DMXL1: variants seen among roughly 807,000 people sequenced by gnomAD.
The protein encoded by DMXL1 is dmX-like protein 1.
In DMXL1, 99 loss-of-function variants were observed where a neutral mutation model predicts 319.2. The ratio of observed to expected loss-of-function variants is 0.31; its 90% CI spans 0.26 to 0.37. The LOEUF (loss-of-function observed/expected upper bound fraction) is 0.37. DMXL1 is among the 10% of genes least tolerant of loss of function. The pLI is 1.00. For synonymous variants in DMXL1, 1,385 were observed against 1,235.2 expected (o/e 1.12, Z -2.54); for missense variants, 3,745 against 3,595.6 (o/e 1.04, Z -1.06).
In DMXL1 at chr5:119,089,224, G is replaced by A. The variant is rs566275949; in HGVS notation, c.88-8755G>A. Among the ~76,000 whole-genome samples, 400 of 127,782 alleles carry A rather than the reference G, an allele frequency of 3.1e-3. 3 individuals carry two copies. Among genetic ancestry groups the A allele is most frequent in the African/African-American group, 0.011 (370 of 34,470 alleles). The allele number at this position is 127,782 out of a possible 152,430, so 83.8% of individuals were successfully genotyped here. On this transcript the variant is annotated intron_variant, in intron 1 of 43. Coordinates refer to ENST00000539542, the MANE Select transcript of DMXL1 (RefSeq NM_001290321.3). ...CCTGGCCTATGTGGTTTCTCTTGAT[G>A]AATCTTTTGCCAGACAAATTGGAGC... is the stretch of plus-strand genomic sequence containing the variant.
intron 9 of DMXL1, among the ~76,000 whole-genome samples, chr5:119,121,554 C>T (rs911050079): frequency 1.3e-5 from 2 of 152,006 alleles, no homozygotes; most frequent in Admixed American, 1.3e-4. Context: ...TCCATTTAAC[C>T]CTGAGTGGAC....
chr5:119,240,542 G>A, intron 42 of DMXL1, 71 bp downstream of exon 42: 2 of 1,092,328 alleles, frequency 1.8e-6, no homozygotes, highest in South Asian at 2.7e-5. Context: ...TTTATAAGTG[G>A]ATTTGTTACT....
intron 13 of DMXL1, among the ~76,000 whole-genome samples, chr5:119,140,378 A>G (rs1767032058): frequency 6.6e-6 from 1 of 152,100 alleles, no homozygotes; most frequent in Non-Finnish European, 1.5e-5. Context: ...TTGCTAACTA[A>G]GCCAATAGAA....
At chr5:119,089,293 T>TATATATATATATACATATATATATATA (rs70982466) in intron 1 of DMXL1, among the ~76,000 whole-genome samples, 1 of 25,332 alleles carries the variant, frequency 3.9e-5, no homozygotes, top group Non-Finnish European at 6.9e-5. Flanking sequence ...TATATATATA[T>TATATATATATATACATATATATATATA]TTTTTTTTTT....
intron 31 of DMXL1, 63 bp downstream of exon 31, chr5:119,196,519 T>TG: frequency 9.3e-7 from 1 of 1,069,636 alleles, no homozygotes; most frequent in South Asian, 1.5e-5. Flanking sequence ...TCTGTTGTTT[T>TG]TTTTTTTTTT....
At chr5:119,141,824 G>A (rs182792569) in intron 13 of DMXL1, among the ~76,000 whole-genome samples, 75 of 152,164 alleles carry the variant, frequency 4.9e-4, no homozygotes, top group African/African-American at 1.6e-3. Flanking sequence ...GTAAAAAAAA[G>A]AACAGAGCTT....
At chr5:119,192,754 A>G (rs1778917129) in intron 29 of DMXL1, among the ~76,000 whole-genome samples, 1 of 151,858 alleles carries the variant, frequency 6.6e-6, no homozygotes. Context: ...ATTCCTTCAT[A>G]ATCTTCTTTC....
At chr5:119,231,342 G>A (rs1410149727) in intron 38 of DMXL1, among the ~76,000 whole-genome samples, 1 of 152,084 alleles carries the variant, frequency 6.6e-6, no homozygotes, top group African/African-American at 2.4e-5. Context: ...ATGATTTCTT[G>A]TCCTTCCAAA....
rs754202172 is a variant in DMXL1, at chr5:119,149,063, G to C, written c.3236G>C (p.Ser1079Thr). Residue 1079 changes from serine (S) to threonine (T), a missense_variant, in exon 18 of 44, where the codon AGT becomes ACT. By Grantham distance (58) the Ser-to-Thr change is moderately conservative (BLOSUM62 1). Transcript: ENST00000539542. ...TCCCAGGACTTTGTGATGCATGTAA[G>C]TATTTTTGAATGTGAGTCAACAGGA... ...RSSQDFVMHV[S>T]IFECESTGGS... The C allele has an allele frequency of 6.2e-7, 1 of 1,613,806 alleles. No individual in the cohort carries two copies. Among genetic ancestry groups the C allele is most frequent in the Non-Finnish European group, 8.5e-7 (1 of 1,179,872 alleles).
intron 10 of DMXL1, among the ~76,000 whole-genome samples, chr5:119,130,986 AT>A (rs1357140072): frequency 6.6e-6 from 1 of 151,010 alleles, no homozygotes; most frequent in Non-Finnish European, 1.5e-5. Context: ...TCAACATTGG[AT>A]GTTTTCATTA....
intron 42 of DMXL1, among the ~76,000 whole-genome samples, chr5:119,242,034 ATG>A (rs1788926363): frequency 6.6e-6 from 1 of 152,186 alleles, no homozygotes; most frequent in Non-Finnish European, 1.5e-5. Flanking sequence ...TTGTGTGCGT[ATG>A]TTTCAATAAA....
At chr5:119,181,162 T>C (rs1456319966) in intron 28 of DMXL1, among the ~76,000 whole-genome samples, 1 of 152,122 alleles carries the variant, frequency 6.6e-6, no homozygotes, top group African/African-American at 2.4e-5. Context: ...TAAATTATTT[T>C]GGGGGGGCCA....
intron 34 of DMXL1, among the ~76,000 whole-genome samples, chr5:119,208,681 A>G (rs556191094): frequency 2.9e-4 from 44 of 152,286 alleles, no homozygotes; most frequent in African/African-American, 1.0e-3. Context: ...GCCCACTGCT[A>G]TATAGTTTAA....
intron 5 of DMXL1, among the ~76,000 whole-genome samples, chr5:119,114,113 A>C (rs1760274424): frequency 6.6e-6 from 1 of 152,224 alleles, no homozygotes; most frequent in South Asian, 2.1e-4. Flanking sequence ...AGGCAAACTT[A>C]TTATATATTA....
In DMXL1 at chr5:119,105,294, T is replaced by C. The variant is rs973922854; in HGVS notation, c.364+36T>C. ...AAGCAGGATTAACTAAAATGAAATA[T>C]CACTTGCCTAGTTGTTCTTATTTTT... is the stretch of plus-strand genomic sequence containing the variant. On this transcript the variant is annotated intron_variant, in intron 4 of 43. Transcript: ENST00000539542. 4 of 1,496,548 alleles carry C rather than the reference T, an allele frequency of 2.7e-6. No homozygotes were observed. In the African/African-American group the frequency reaches 5.5e-5, roughly 21 times the overall value. The allele number at this position is 1,496,548 out of a possible 1,614,324, so 92.7% of individuals were successfully genotyped here.
chr5:119,239,386 A>G (rs533716472), intron 41 of DMXL1, among the ~76,000 whole-genome samples: 3 of 152,262 alleles, frequency 2.0e-5, no homozygotes, highest in Non-Finnish European at 4.4e-5. Flanking sequence ...CACACTTTGC[A>G]CTAGAAACAG....
rs374761569 is a variant in DMXL1, at chr5:119,122,599, A to G, written c.1102+1460A>G. ...TCACTTCTCTGACGGGTCGGTTGCC[A>G]GGCAGAGGGTCTCCTCACTTCTCAG... On this transcript the variant is annotated intron_variant, in intron 9 of 43. Coordinates refer to ENST00000539542, the MANE Select transcript of DMXL1 (RefSeq NM_001290321.3). 2.1e-4 allele frequency among the ~76,000 whole-genome samples: 31 copies of G among 146,440 alleles called. 1 individual carries two copies. The East Asian group carries it at 4.4e-3, about 21-fold the overall frequency.
At chr5:119,241,302 C>G (rs1212035862) in intron 42 of DMXL1, among the ~76,000 whole-genome samples, 1 of 151,928 alleles carries the variant, frequency 6.6e-6, no homozygotes, top group Non-Finnish European at 1.5e-5. Flanking sequence ...GAGGCCAAGG[C>G]GGGTGGATCA....
chr5:119,071,395 G>T lies in DMXL1; in HGVS notation c.-175G>T. 1.6e-6 allele frequency: 1 copy of T among 612,286 alleles called. No homozygotes were observed. Among genetic ancestry groups the T allele is most frequent in the Non-Finnish European group, 2.8e-6 (1 of 360,684 alleles). 37.9% of individuals were successfully genotyped at this position (612,286 alleles called of 1,614,324 possible). A position where few individuals can be genotyped will look rare whatever the true frequency, so the allele number is the denominator to read the frequency against. The stretch of plus-strand genomic sequence containing the variant: ...CCCCCTCCGGGCCTCGCCCTCCGGG[G>T]CTCGGGATGAGTCGCGGGCCCCAGC... On this transcript the variant is annotated 5_prime_UTR_variant, in exon 1 of 44. Transcript: ENST00000539542.
Sources: allele counts gnomAD v4.1 joint callset (sites outside exome capture counted in the v4.1 genomes callset), GRCh38; gene constraint gnomAD v4.1.1; transcripts MANE v1.5; gene names NCBI Gene and HGNC (gene_info 2026-07-23, HGNC 2026-07-21).